ELF1: variants seen among roughly 807,000 people sequenced by gnomAD.
ELF1 encodes the protein ETS-related transcription factor Elf-1.
ELF1 carries 24 observed loss-of-function variants against 59.9 expected under a neutral mutation model. That is an observed-to-expected ratio of 0.40 (90% CI 0.29 to 0.56). The LOEUF (loss-of-function observed/expected upper bound fraction) is 0.56. Among genes scored for constraint, ELF1 ranks in the 20% least tolerant of loss-of-function variants. ELF1 has a pLI of 0.44. For synonymous variants in ELF1, 248 were observed against 266.2 expected, an observed-to-expected ratio of 0.93 and a Z score of 0.67; for missense variants, 627 against 742.2, an observed-to-expected ratio of 0.84 and a Z score of 1.80.
chr13:40,976,448 T>C (rs1285350134), intron 2 of ELF1, among the ~76,000 whole-genome samples: 4 of 152,210 alleles, frequency 2.6e-5, no homozygotes, highest in Non-Finnish European at 4.4e-5. Flanking sequence ...GCACTTTGCA[T>C]TTATCTGTGT....
At chr13:41,017,499 TAC>T (rs893260154) in intron 1 of ELF1, among the ~76,000 whole-genome samples, 42 of 152,308 alleles carry the variant, frequency 2.8e-4, no homozygotes, top group Admixed American at 1.4e-3. Flanking sequence ...AGTTCAAACT[TAC>T]ATTCAATCTT....
At chr13:41,036,792 A>T (rs541416388) in intron 1 of ELF1, among the ~76,000 whole-genome samples, 119 of 152,342 alleles carry the variant, frequency 7.8e-4, no homozygotes, top group African/African-American at 2.6e-3. Flanking sequence ...TGATGAGTTC[A>T]TGTCCTTTGT....
At chr13:40,991,524 G>A (rs754388310) in intron 1 of ELF1, among the ~76,000 whole-genome samples, 6 of 151,988 alleles carry the variant, frequency 3.9e-5, no homozygotes, top group South Asian at 2.1e-4. Flanking sequence ...TGATTCTCTC[G>A]CCTTAGTCTC....
intron 1 of ELF1, among the ~76,000 whole-genome samples, chr13:41,009,747 A>C (rs1244693831): frequency 1.3e-5 from 2 of 152,220 alleles, no homozygotes; most frequent in East Asian, 3.9e-4. Flanking sequence ...GATTTTTCTC[A>C]TTGGGAAAAA....
chr13:40,933,714 G>A lies in ELF1; in HGVS notation c.1571C>T (p.Ser524Phe). The A allele has an allele frequency of 6.2e-7, 1 of 1,614,280 alleles. No homozygotes were observed. Among genetic ancestry groups the A allele is most frequent in the Non-Finnish European group, 8.5e-7 (1 of 1,180,052 alleles). The change falls in exon 9 of 9, where the codon TCC becomes TTC. Residue 524 changes from serine (S) to phenylalanine (F), a missense_variant. Coordinates refer to ENST00000239882, the MANE Select transcript of ELF1 (RefSeq NM_172373.4). ...TICNGTVSVA[S>F]SPSFSATAPV... ...TGCAGTAGCACTGAAGGATGGAGAG[G>A]AAGCCACACTGACGGTTCCATTGCA...
chr13:40,934,234 A>G (rs1869611235), intron 8 of ELF1, among the ~76,000 whole-genome samples: 1 of 152,180 alleles, frequency 6.6e-6, no homozygotes, highest in Admixed American at 6.5e-5. Context: ...CTCTCAGGCC[A>G]TTAACTATGA....
intron 2 of ELF1, among the ~76,000 whole-genome samples, chr13:40,961,953 T>G (rs954885145): frequency 6.6e-6 from 1 of 152,256 alleles, no homozygotes; most frequent in Non-Finnish European, 1.5e-5. Context: ...TTGGCTCCTG[T>G]AGCTTGGGTA....
chr13:40,999,640 C>A (rs921308974), intron 1 of ELF1, among the ~76,000 whole-genome samples: 4 of 152,182 alleles, frequency 2.6e-5, no homozygotes, highest in African/African-American at 7.2e-5. Context: ...GATGTGGCAA[C>A]CACCATCCAA....
chr13:40,943,364 G>A (rs571589083), intron 6 of ELF1, among the ~76,000 whole-genome samples: 8 of 152,278 alleles, frequency 5.3e-5, no homozygotes, highest in African/African-American at 1.9e-4. Flanking sequence ...TAAAATATGT[G>A]AACAAAGCAA....
At chr13:40,961,152 TTC>T (rs10531572) in intron 2 of ELF1, among the ~76,000 whole-genome samples, 82,648 of 151,996 alleles carry the variant, frequency 0.54, 25,655 homozygotes, top group Non-Finnish European at 0.69. Context: ...TAGACATTAC[TTC>T]TGTCATAATA....
chr13:40,995,998 T>C lies in ELF1; in HGVS notation c.-228-13716A>G, dbSNP rs9566647. Among the ~76,000 whole-genome samples the C allele has an allele frequency of 2.6e-3, 403 of 152,288 alleles. 7 individuals carry two copies. The East Asian group carries it at 0.052, about 20-fold the overall frequency. ...TCAAAACTCAGAGAAAATAGCCTGA[T>C]TTTAAAATGGGCCAAAGACCTTAAC... is the stretch of plus-strand genomic sequence containing the variant. On this transcript the variant is annotated intron_variant, in intron 1 of 8. Coordinates refer to ENST00000239882, the MANE Select transcript of ELF1 (RefSeq NM_172373.4).
At chr13:41,046,980 G>A (rs766216053) in intron 1 of ELF1, among the ~76,000 whole-genome samples, 1 of 152,094 alleles carries the variant, frequency 6.6e-6, no homozygotes, top group Non-Finnish European at 1.5e-5. Flanking sequence ...GGCTTTGTTC[G>A]TTTCTTTTTA....
chr13:41,024,964 C>T (rs1875834899), intron 1 of ELF1, among the ~76,000 whole-genome samples: 1 of 152,170 alleles, frequency 6.6e-6, no homozygotes, highest in Non-Finnish European at 1.5e-5. Flanking sequence ...ACCCATCACT[C>T]TGCTATTAGA....
chr13:41,048,743 T>C (rs1263096685), intron 1 of ELF1, among the ~76,000 whole-genome samples: 6 of 151,082 alleles, frequency 4.0e-5, no homozygotes, highest in Non-Finnish European at 7.4e-5. Context: ...AGTTTTTCCT[T>C]TAAAAAAAAA....
rs183877540 is a variant in ELF1, at chr13:41,040,479, C to A, written c.-229+20359G>T. ...ACAGCAGTGCCCAACCATTTCGGTA[C>A]CAGGGACAGTTTTGTGGAAGACAAT... is the stretch of plus-strand genomic sequence containing the variant. On this transcript the variant is annotated intron_variant, in intron 1 of 1. Coordinates refer to the ELF1 transcript ENST00000405737. Among the ~76,000 whole-genome samples the A allele has an allele frequency of 6.8e-4, 103 of 152,150 alleles. 1 individual carries two copies. In the East Asian group the frequency reaches 0.019, roughly 28 times the overall value.
chr13:41,059,849 G>T (rs968360763), intron 1 of ELF1, among the ~76,000 whole-genome samples: 2 of 152,048 alleles, frequency 1.3e-5, no homozygotes, highest in Non-Finnish European at 2.9e-5. Flanking sequence ...TCCACCCCAG[G>T]ATGTTTTGCC....
At chr13:41,032,234 T>G (rs1876194688) in intron 1 of ELF1, among the ~76,000 whole-genome samples, 1 of 151,102 alleles carries the variant, frequency 6.6e-6, no homozygotes, top group Non-Finnish European at 1.5e-5. Context: ...TTTTTTTTTT[T>G]GAGATGGAGT....
exon 1 of ELF1, chr13:41,061,049 G>T: frequency 5.1e-6 from 1 of 195,456 alleles, no homozygotes. Flanking sequence ...CAACAGCAAA[G>T]TTTGAGGCGA....
intron 1 of ELF1, among the ~76,000 whole-genome samples, chr13:41,044,833 C>A (rs1876773962): frequency 6.6e-6 from 1 of 152,160 alleles, no homozygotes; most frequent in African/African-American, 2.4e-5. Flanking sequence ...AAGATTCCCT[C>A]TTTTCCTATT....
Sources: gnomAD v4.1 joint callset for allele counts (sites outside exome capture counted in the v4.1 genomes callset) on GRCh38, gnomAD v4.1.1 for gene constraint, MANE v1.5 for transcripts, NCBI Gene and HGNC (gene_info 2026-07-23, HGNC 2026-07-21) for gene names.